SLC6A14: variants seen among roughly 807,000 people sequenced by gnomAD.
SLC6A14 encodes sodium- and chloride-dependent neutral and basic amino acid transporter B(0+).
A neutral mutation model predicts 51.4 loss-of-function variants in SLC6A14; 21 were observed. The ratio of observed to expected loss-of-function variants is 0.41; its 90% CI spans 0.29 to 0.59. The LOEUF (loss-of-function observed/expected upper bound fraction) is 0.59, where lower values mean the gene tolerates loss of function less well. SLC6A14 is among the 20% of genes least tolerant of loss of function. The pLI is 0.31. For missense variants in SLC6A14, 371 were observed against 472.8 expected (o/e 0.78, Z 2.00); for synonymous variants, 177 against 160.7 (o/e 1.10, Z -0.77).
rs1242825028 is a variant in SLC6A14, at chrX:116,440,189, GA to G, written c.215-768del. Among the ~76,000 whole-genome samples, 3 of 109,208 alleles carry G rather than the reference GA, an allele frequency of 2.7e-5. No individual in the cohort carries two copies. In the South Asian group the frequency reaches 1.1e-3, roughly 42 times the overall value. The allele number at this position is 109,208 out of a possible 115,157, so 94.8% of individuals were successfully genotyped here. ...AAATACTATGCCCCAAAAGTGGAAA[GA>G]AAAAAAAAGGAAAATGATAAAAGGT... is the stretch of plus-strand genomic sequence containing the variant. On this transcript the variant is annotated intron_variant, in intron 2 of 13. Coordinates refer to ENST00000598581, the MANE Select transcript of SLC6A14 (RefSeq NM_007231.5).
intron 7 of SLC6A14, among the ~76,000 whole-genome samples, chrX:116,448,560 T>A (rs1556694199): frequency 8.9e-6 from 1 of 112,010 alleles, no homozygotes; most frequent in Non-Finnish European, 1.9e-5. Context: ...TTGGAAACAG[T>A]AAGATTTTAT....
At chrX:116,451,806 A>T (rs1266409297) in intron 8 of SLC6A14, 136 bp downstream of exon 8, 7 of 415,643 alleles carry the variant, frequency 1.7e-5, no homozygotes, top group African/African-American at 2.5e-5. Context: ...TTCATCTTAT[A>T]TAATTTTGTT....
rs1211928680 is a variant in SLC6A14, at chrX:116,459,914, C to G, written c.*959C>G. The G allele has an allele frequency of 9.0e-6, 1 of 111,596 alleles. No individual in the cohort carries two copies. Among genetic ancestry groups the G allele is most frequent in the Non-Finnish European group, 1.9e-5 (1 of 53,029 alleles). The allele number at this position is 111,596 out of a possible 1,213,427, so 9.2% of individuals were successfully genotyped here. On this transcript the variant is annotated 3_prime_UTR_variant, in exon 14 of 14. Coordinates refer to ENST00000598581, the MANE Select transcript of SLC6A14 (RefSeq NM_007231.5). ...GTTACTACTTACAGGTGATAACTTGCATACTATTGGAAGATAAACTTGTCA... is the reference window on the plus strand; with the variant it reads ...GTTACTACTTACAGGTGATAACTTGGATACTATTGGAAGATAAACTTGTCA...
Position 116,459,133 on chromosome X carries a change from C to G in SLC6A14, c.*178C>G, listed in dbSNP as rs2011162. 0.55 allele frequency: 197,415 copies of G among 360,017 alleles called. 39,818 individuals are homozygous for G. The highest frequency in any genetic ancestry group is 0.7 in the Admixed American group (12,804 of 18,223). 29.7% of individuals were successfully genotyped at this position (360,017 alleles called of 1,213,427 possible). Reference sequence around the variant, plus strand: ...AAAATGTGAATCTCTTAATTCTCAGCCATGTGCTTATTATATTTCTTTTTA... The same window carrying G: ...AAAATGTGAATCTCTTAATTCTCAGGCATGTGCTTATTATATTTCTTTTTA... On this transcript the variant is annotated 3_prime_UTR_variant, in exon 14 of 14. Transcript: ENST00000598581.
intron 2 of SLC6A14, among the ~76,000 whole-genome samples, chrX:116,440,487 C>T (rs1427902228): frequency 5.3e-5 from 6 of 112,159 alleles, no homozygotes; most frequent in Non-Finnish European, 3.8e-5. Context: ...CAATGTTGAA[C>T]ATGGGCTATG....
chrX:116,437,577 C>T (rs1390231375), intron 1 of SLC6A14, among the ~76,000 whole-genome samples: 2 of 111,673 alleles, frequency 1.8e-5, no homozygotes, highest in Non-Finnish European at 3.8e-5. Flanking sequence ...AACATATCTA[C>T]CTACAGAACT....
In SLC6A14 at chrX:116,436,638, T is replaced by C; in HGVS notation, c.-72T>C. The C allele has an allele frequency of 1.9e-6, 2 of 1,070,159 alleles. No individual in the cohort carries two copies. Among genetic ancestry groups the C allele is most frequent in the Non-Finnish European group, 2.5e-6 (2 of 795,258 alleles). 88.2% of individuals were successfully genotyped at this position (1,070,159 alleles called of 1,213,427 possible). On this transcript the variant is annotated 5_prime_UTR_variant, in exon 1 of 14. Transcript: ENST00000598581. ...TCTGGCAGGTAGGAACAGGGGAGAG[T>C]GCACCTGCTACCAGTCAAGCTCAGC... is the stretch of plus-strand genomic sequence containing the variant.
intron 7 of SLC6A14, among the ~76,000 whole-genome samples, chrX:116,449,501 C>A (rs1384650858): frequency 9.0e-6 from 1 of 111,600 alleles, no homozygotes; most frequent in Non-Finnish European, 1.9e-5. Context: ...AAAAAGAGGG[C>A]ATTTTATTTC....
intron 12 of SLC6A14, among the ~76,000 whole-genome samples, chrX:116,456,988 G>C (rs1387584693): frequency 8.9e-6 from 1 of 111,789 alleles, no homozygotes; most frequent in African/African-American, 3.2e-5. Context: ...CAGATATTGA[G>C]GGTTTTTTTG....
chrX:116,460,984 A>G lies in SLC6A14; in HGVS notation c.*2029A>G, dbSNP rs1928043405. Reference sequence around the variant, plus strand: ...TATTTGAGAATAGATGGCTAACAAGAGGTTAGAAATACTTTTCCTTAATTT... The same window carrying G: ...TATTTGAGAATAGATGGCTAACAAGGGGTTAGAAATACTTTTCCTTAATTT... On this transcript the variant is annotated 3_prime_UTR_variant, in exon 14 of 14. Coordinates refer to ENST00000598581, the MANE Select transcript of SLC6A14 (RefSeq NM_007231.5). 8.9e-6 allele frequency: 1 copy of G among 111,897 alleles called. No individual in the cohort carries two copies. The highest frequency in any genetic ancestry group is 1.9e-5 in the Non-Finnish European group (1 of 53,224). 9.2% of individuals were successfully genotyped at this position (111,897 alleles called of 1,213,427 possible). A position where few individuals can be genotyped will look rare whatever the true frequency, so the allele number is the denominator to read the frequency against.
intron 5 of SLC6A14, among the ~76,000 whole-genome samples, chrX:116,444,602 A>C (rs1156293729): frequency 1.8e-5 from 2 of 112,068 alleles, no homozygotes; most frequent in Non-Finnish European, 1.9e-5. Flanking sequence ...ATAATCTGAC[A>C]TAAAGTCAAT....
intron 8 of SLC6A14, among the ~76,000 whole-genome samples, chrX:116,452,640 A>G (rs782219573): frequency 1.9e-4 from 21 of 112,287 alleles, no homozygotes; most frequent in Middle Eastern, 4.7e-3. Flanking sequence ...CAATTCTTTT[A>G]GAGCATCTAG....
chrX:116,455,170 T>G (rs1384766334), intron 11 of SLC6A14, 94 bp downstream of exon 11: 7 of 635,582 alleles, frequency 1.1e-5, no homozygotes, highest in Non-Finnish European at 1.7e-5. Flanking sequence ...CTATTAATTT[T>G]TATACTATTA....
At position 116,451,633 on chromosome X, in the gene SLC6A14, T is replaced by C; in HGVS notation, c.1122T>C (p.His374=). ...TTTCTATATTGGGACACATGGCCCA[T>C]ATATCTGGAAAGGAAGTTTCTCAAG... is the stretch of plus-strand genomic sequence containing the variant. ...AIFSILGHMA[H]ISGKEVSQVV... is the part of the protein sequence containing the mutation. The change falls in exon 8 of 14, where the codon CAT becomes CAC. Residue 374 remains histidine, a synonymous_variant. Coordinates refer to ENST00000598581, the MANE Select transcript of SLC6A14 (RefSeq NM_007231.5). 1.7e-6 allele frequency: 2 copies of C among 1,203,855 alleles called. No individual in the cohort carries two copies. Among genetic ancestry groups the C allele is most frequent in the East Asian group, 3.0e-5 (1 of 33,753 alleles).
chrX:116,449,735 A>C, intron 7 of SLC6A14, among the ~76,000 whole-genome samples: 1 of 111,897 alleles, frequency 8.9e-6, no homozygotes, highest in Middle Eastern at 4.6e-3. Flanking sequence ...AAATATATAG[A>C]CCAGTGGAAC....
intron 4 of SLC6A14, among the ~76,000 whole-genome samples, chrX:116,443,107 T>C (rs1279651051): frequency 2.7e-5 from 3 of 110,229 alleles, no homozygotes; most frequent in African/African-American, 6.6e-5. Flanking sequence ...ACTGAGAAAA[T>C]GATAAAGGGA....
At chrX:116,456,913 T>G (rs1927945529) in intron 12 of SLC6A14, among the ~76,000 whole-genome samples, 1 of 112,210 alleles carries the variant, frequency 8.9e-6, no homozygotes, top group Admixed American at 9.5e-5. Context: ...ACATTTCGGG[T>G]TTATTTTAAC....
chrX:116,457,689 A>C lies in SLC6A14; in HGVS notation c.1695A>C (p.Leu565Phe). ...CATACCCTGACTGGGGAGTTGCTTT[A>C]GGCTGGTGTATGATTGTTTTCTGCA... ...AIPYPDWGVALGWCMIVFCII... is the reference protein window; with the variant it reads ...AIPYPDWGVAFGWCMIVFCII... The change falls in exon 13 of 14, where the codon TTA becomes TTC. Residue 565 changes from leucine to phenylalanine, a missense_variant. Leu to Phe is a conservative substitution (Grantham distance 22, BLOSUM62 0). Around this residue, in one of 2 missense-constraint regions of SLC6A14, gnomAD observed 94 missense variants for 81.0 expected, o/e 1.16. Transcript: ENST00000598581. The C allele has an allele frequency of 8.3e-7, 1 of 1,201,750 alleles. No individual in the cohort carries two copies. Among genetic ancestry groups the C allele is most frequent in the Non-Finnish European group, 1.1e-6 (1 of 886,535 alleles).
chrX:116,454,775 G>A (rs1186289682), intron 10 of SLC6A14, among the ~76,000 whole-genome samples: 1 of 111,476 alleles, frequency 9.0e-6, no homozygotes, highest in Non-Finnish European at 1.9e-5. Context: ...TTTCTTTCCA[G>A]TGACTCAGTA....
Sources: allele counts gnomAD v4.1 joint callset (sites outside exome capture counted in the v4.1 genomes callset), GRCh38; gene constraint gnomAD v4.1.1; regional missense constraint gnomAD v4.1.1; transcripts MANE v1.5; gene names NCBI Gene and HGNC (gene_info 2026-07-23, HGNC 2026-07-21).